The following ARHGAP42 variants were observed in gnomAD, a reference collection of about 807,000 sequenced individuals.
ARHGAP42 encodes the protein Rho GTPase activating protein 42, also known as rho GTPase-activating protein 42.
Under a neutral mutation model 125.0 loss-of-function variants are expected in ARHGAP42, and 63 were observed. The ratio of observed to expected loss-of-function variants is 0.50; its 90% CI spans 0.41 to 0.62. The LOEUF (loss-of-function observed/expected upper bound fraction) is 0.62. ARHGAP42 is among the 20% of genes least tolerant of loss of function. The pLI, the probability that ARHGAP42 is intolerant of heterozygous loss-of-function variation, is 0.00. For missense variants in ARHGAP42, 766 were observed against 1,024.2 expected, an observed-to-expected ratio of 0.75 and a Z score of 3.44; for synonymous variants, 339 against 351.0, an observed-to-expected ratio of 0.97 and a Z score of 0.38.
At chr11:100,902,167 T>G (rs1451243119) in intron 4 of ARHGAP42, among the ~76,000 whole-genome samples, 1 of 152,234 alleles carries the variant, frequency 6.6e-6, no homozygotes, top group East Asian at 1.9e-4. Context: ...CCAAAACACT[T>G]TAACCCGTTG....
At chr11:100,760,991 G>A (rs1232557485) in intron 1 of ARHGAP42, among the ~76,000 whole-genome samples, 1 of 152,172 alleles carries the variant, frequency 6.6e-6, no homozygotes, top group African/African-American at 2.4e-5. Context: ...TGGGAAGTGA[G>A]TGGTTGTACT....
At chr11:100,907,845 A>G (rs1052295050) in intron 4 of ARHGAP42, among the ~76,000 whole-genome samples, 1 of 152,182 alleles carries the variant, frequency 6.6e-6, no homozygotes, top group Non-Finnish European at 1.5e-5. Context: ...GCCTAGCACC[A>G]TGATAATTTA....
chr11:100,689,910 C>T (rs553453294), intron 1 of ARHGAP42, among the ~76,000 whole-genome samples: 1 of 152,152 alleles, frequency 6.6e-6, no homozygotes, highest in Non-Finnish European at 1.5e-5. Flanking sequence ...CACCTTTTGT[C>T]CCTTAGGAAG....
intron 1 of ARHGAP42, among the ~76,000 whole-genome samples, chr11:100,768,092 C>A (rs1012380536): frequency 6.6e-6 from 1 of 151,800 alleles, no homozygotes; most frequent in Non-Finnish European, 1.5e-5. Flanking sequence ...TAAGTCCTGG[C>A]GTTATGTCTA....
chr11:100,799,958 A>G (rs956479776), intron 3 of ARHGAP42, among the ~76,000 whole-genome samples: 1 of 152,214 alleles, frequency 6.6e-6, no homozygotes, highest in Non-Finnish European at 1.5e-5. Flanking sequence ...TAATGTGCCC[A>G]GGAGTTTGTA....
In ARHGAP42 at chr11:100,936,186, G is replaced by C; in HGVS notation, c.703-17G>C. 6.4e-7 allele frequency: 1 copy of C among 1,550,710 alleles called. No homozygotes were observed. The highest frequency in any genetic ancestry group is 8.7e-7 in the Non-Finnish European group (1 of 1,146,642). Reference sequence around the variant, plus strand: ...GTAGAAAATAATGACTGAAATTATTGTTTCTGTTTACTTAAGACAAGGAAT... The same window carrying C: ...GTAGAAAATAATGACTGAAATTATTCTTTCTGTTTACTTAAGACAAGGAAT... On this transcript the variant is annotated splice_polypyrimidine_tract_variant and intron_variant, in intron 7 of 23. Transcript: ENST00000298815.
At chr11:100,751,345 A>T (rs375276076) in intron 1 of ARHGAP42, among the ~76,000 whole-genome samples, 3 of 132,548 alleles carry the variant, frequency 2.3e-5, no homozygotes, top group Admixed American at 7.4e-5. Flanking sequence ...CAGTGGCACA[A>T]TCTCAGCTCA....
At chr11:100,749,192 G>A (rs1565554071) in intron 1 of ARHGAP42, among the ~76,000 whole-genome samples, 1 of 152,138 alleles carries the variant, frequency 6.6e-6, no homozygotes, top group African/African-American at 2.4e-5. Context: ...GCTTATGTGA[G>A]GTTCAACCCC....
chr11:100,945,602 A>T (rs1440608408), intron 10 of ARHGAP42, among the ~76,000 whole-genome samples: 1 of 152,142 alleles, frequency 6.6e-6, no homozygotes, highest in African/African-American at 2.4e-5. Flanking sequence ...TGAATATATT[A>T]TTCTCCATTT....
chr11:100,757,988 T>G (rs1416817799), intron 1 of ARHGAP42, among the ~76,000 whole-genome samples: 1 of 152,234 alleles, frequency 6.6e-6, no homozygotes, highest in Non-Finnish European at 1.5e-5. Context: ...CATATTGCTA[T>G]GTGAAAAGAT....
At chr11:100,841,593 C>A (rs55753301) in intron 3 of ARHGAP42, among the ~76,000 whole-genome samples, 1 of 152,072 alleles carries the variant, frequency 6.6e-6, no homozygotes, top group Non-Finnish European at 1.5e-5. Context: ...TACCATGGTT[C>A]TCAAGACCTT....
chr11:100,986,711 C>A (rs577251), intron 22 of ARHGAP42, among the ~76,000 whole-genome samples: 134,113 of 152,180 alleles, frequency 0.88, 59,187 homozygotes, highest in East Asian at 1. Context: ...AAGTCTTACC[C>A]AGGTTATTGA....
At chr11:100,957,279 T>C (rs1234976284) in intron 12 of ARHGAP42, among the ~76,000 whole-genome samples, 1 of 152,052 alleles carries the variant, frequency 6.6e-6, no homozygotes, top group African/African-American at 2.4e-5. Flanking sequence ...TTCCTTCATA[T>C]AGCAGTGATG....
At chr11:100,770,129 C>A (rs565234359) in intron 1 of ARHGAP42, among the ~76,000 whole-genome samples, 3 of 121,372 alleles carry the variant, frequency 2.5e-5, no homozygotes, top group Non-Finnish European at 5.5e-5. Flanking sequence ...TAGATCAGAC[C>A]AGATCCATTT....
chr11:100,982,674 T>C (rs1858574486), intron 22 of ARHGAP42, among the ~76,000 whole-genome samples: 1 of 152,224 alleles, frequency 6.6e-6, no homozygotes, highest in African/African-American at 2.4e-5. Flanking sequence ...ACAGGCAAGC[T>C]ATACAAATAT....
intron 1 of ARHGAP42, among the ~76,000 whole-genome samples, chr11:100,694,849 T>A (rs1327036986): frequency 6.6e-6 from 1 of 152,170 alleles, no homozygotes; most frequent in Non-Finnish European, 1.5e-5. Flanking sequence ...GCCAACATGG[T>A]GAAACTCCGT....
At position 100,799,993 on chromosome 11, in the gene ARHGAP42, G is replaced by C. The variant is rs1010639576; in HGVS notation, c.312+4827G>C. On this transcript the variant is annotated intron_variant, in intron 3 of 23. Transcript: ENST00000298815. ...AGAAATGGTTTAGAACAGCCAAGGG[G>C]GTAAGTTATTCAAAAGAGAAGTAAG... Among the ~76,000 whole-genome samples the C allele has an allele frequency of 2.6e-5, 4 of 152,240 alleles. 1 individual carries two copies. Among genetic ancestry groups the C allele is most frequent in the South Asian group, 4.1e-4 (2 of 4,826 alleles).
intron 3 of ARHGAP42, among the ~76,000 whole-genome samples, chr11:100,842,993 CA>C (rs201635400): frequency 0.012 from 1,813 of 151,768 alleles, 43 homozygotes; most frequent in African/African-American, 0.041. Flanking sequence ...GAAATTGAAA[CA>C]AAAAGAAATA....
chr11:100,757,324 G>A (rs960469654), intron 1 of ARHGAP42, among the ~76,000 whole-genome samples: 1 of 152,076 alleles, frequency 6.6e-6, no homozygotes, highest in African/African-American at 2.4e-5. Context: ...CTGTTGTTTG[G>A]GTAAGTCACT....
Sources: gnomAD v4.1 joint callset for allele counts (sites outside exome capture counted in the v4.1 genomes callset) on GRCh38, gnomAD v4.1.1 for gene constraint, MANE v1.5 for transcripts, NCBI Gene and HGNC (gene_info 2026-07-23, HGNC 2026-07-21) for gene names.